Variants in NBEA observed in about 807,000 individuals in gnomAD.
NBEA encodes the protein neurobeachin.
NBEA carries 44 observed loss-of-function variants against 343.4 expected under a neutral mutation model. That is an observed-to-expected ratio of 0.13 (90% CI 0.10 to 0.16). The LOEUF (loss-of-function observed/expected upper bound fraction) is 0.16, where lower values mean the gene tolerates loss of function less well. NBEA is among the 10% of genes least tolerant of loss of function. The probability of loss-of-function intolerance (pLI) is 1.00; values close to 1 mark genes in which losing one functional copy is unlikely to be tolerated. For missense variants in NBEA, 2,555 were observed against 3,631.3 expected, an observed-to-expected ratio of 0.70 and a Z score of 7.62; for synonymous variants, 1,175 against 1,238.7, an observed-to-expected ratio of 0.95 and a Z score of 1.08.
intron 18 of NBEA, among the ~76,000 whole-genome samples, chr13:35,154,186 A>G (rs924253526): frequency 2.0e-5 from 3 of 152,170 alleles, no homozygotes; most frequent in Non-Finnish European, 4.4e-5. Flanking sequence ...AACATTCCTA[A>G]TATACTTATG....
At chr13:35,296,027 A>G (rs949036996) in intron 35 of NBEA, among the ~76,000 whole-genome samples, 2 of 152,164 alleles carry the variant, frequency 1.3e-5, no homozygotes, top group Non-Finnish European at 2.9e-5. Context: ...ACAACTTAGC[A>G]CATATCCACC....
intron 41 of NBEA, among the ~76,000 whole-genome samples, chr13:35,543,911 C>T (rs1254791331): frequency 2.0e-5 from 3 of 152,102 alleles, no homozygotes; most frequent in African/African-American, 7.2e-5. Flanking sequence ...GAAGTCAAGC[C>T]TCTCCCAGTT....
chr13:35,206,975 G>A (rs73167787), intron 31 of NBEA, among the ~76,000 whole-genome samples: 6,964 of 152,074 alleles, frequency 0.046, 202 homozygotes, highest in South Asian at 0.079. Flanking sequence ...ATAGATAGTT[G>A]AGAATTAAAG....
At chr13:35,259,140 A>G (rs961132416) in intron 34 of NBEA, among the ~76,000 whole-genome samples, 6 of 152,188 alleles carry the variant, frequency 3.9e-5, no homozygotes, top group African/African-American at 1.2e-4. Context: ...ATGGGAAGTT[A>G]GTTTTCTCCA....
chr13:35,616,326 AAT>A (rs2082738340), intron 48 of NBEA, among the ~76,000 whole-genome samples: 1 of 152,188 alleles, frequency 6.6e-6, no homozygotes, highest in Non-Finnish European at 1.5e-5. Flanking sequence ...TTTCTACTGC[AAT>A]ATATATTCCA....
intron 41 of NBEA, among the ~76,000 whole-genome samples, chr13:35,519,045 A>C (rs960281838): frequency 6.6e-6 from 1 of 152,210 alleles, no homozygotes; most frequent in Non-Finnish European, 1.5e-5. Context: ...CAACAGATTG[A>C]CTAATACAAT....
intron 41 of NBEA, among the ~76,000 whole-genome samples, chr13:35,530,461 G>A (rs2078206315): frequency 6.9e-6 from 1 of 145,296 alleles, no homozygotes; most frequent in Non-Finnish European, 1.5e-5. Context: ...TAAATAAAAA[G>A]TCTGTGCTTT....
chr13:35,114,556 T>A (rs1268872657), intron 13 of NBEA, among the ~76,000 whole-genome samples: 2 of 152,212 alleles, frequency 1.3e-5, no homozygotes, highest in East Asian at 3.9e-4. Flanking sequence ...ACTGTCTCCT[T>A]GGCCCTGACC....
intron 41 of NBEA, among the ~76,000 whole-genome samples, chr13:35,546,778 C>T (rs2079081386): frequency 6.6e-6 from 1 of 152,072 alleles, no homozygotes; most frequent in South Asian, 2.1e-4. Flanking sequence ...TGGTCTCGAA[C>T]TCCTGACCTT....
At chr13:35,120,041 C>A (rs1198645995) in intron 16 of NBEA, among the ~76,000 whole-genome samples, 1 of 152,122 alleles carries the variant, frequency 6.6e-6, no homozygotes, top group Non-Finnish European at 1.5e-5. Context: ...TAATTAGTGT[C>A]CTTGTCCTTA....
chr13:35,002,847 C>T (rs1593427535), intron 1 of NBEA, among the ~76,000 whole-genome samples: 1 of 152,016 alleles, frequency 6.6e-6, no homozygotes, highest in Non-Finnish European at 1.5e-5. Flanking sequence ...AAAAAGTTGC[C>T]GAGATGCTTG....
intron 39 of NBEA, 58 bp from the exon 40 acceptor site, chr13:35,452,034 C>A: frequency 2.5e-6 from 3 of 1,196,682 alleles, no homozygotes; most frequent in South Asian, 1.4e-5. Context: ...TTTATAATAC[C>A]TACTATAAGC....
intron 1 of NBEA, among the ~76,000 whole-genome samples, chr13:35,036,789 A>G (rs1218674928): frequency 6.6e-6 from 1 of 152,002 alleles, no homozygotes; most frequent in Non-Finnish European, 1.5e-5. Flanking sequence ...GCTCCTTTGT[A>G]TGTTCTTGTT....
chr13:35,421,045 C>T (rs1217910494), intron 38 of NBEA, among the ~76,000 whole-genome samples: 1 of 151,168 alleles, frequency 6.6e-6, no homozygotes, highest in African/African-American at 2.4e-5. Flanking sequence ...TTCTACTTGC[C>T]TTTTATGTGT....
intron 18 of NBEA, among the ~76,000 whole-genome samples, chr13:35,142,665 T>G (rs1200366765): frequency 1.3e-5 from 2 of 152,188 alleles, no homozygotes; most frequent in Non-Finnish European, 2.9e-5. Context: ...ACATCCGTTA[T>G]GTAGTATTAG....
At chr13:35,156,458 A>G (rs538807768) in intron 20 of NBEA, among the ~76,000 whole-genome samples, 30 of 152,234 alleles carry the variant, frequency 2.0e-4, no homozygotes, top group African/African-American at 7.0e-4. Context: ...ACTCTTATTT[A>G]GAATGTAATA....
intron 40 of NBEA, 43 bp downstream of exon 40, chr13:35,452,278 A>G (rs1187720202): frequency 6.9e-7 from 1 of 1,447,164 alleles, no homozygotes; most frequent in Admixed American, 2.1e-5. Context: ...GTAAATAAAC[A>G]CAAAGCTACT....
intron 38 of NBEA, among the ~76,000 whole-genome samples, chr13:35,412,749 A>G (rs2043667411): frequency 6.6e-6 from 1 of 152,120 alleles, no homozygotes; most frequent in Non-Finnish European, 1.5e-5. Flanking sequence ...CTGTCAATGT[A>G]GTATTCTTAA....
At chr13:35,552,198 A>G (rs1176939243) in intron 43 of NBEA, among the ~76,000 whole-genome samples, 1 of 152,220 alleles carries the variant, frequency 6.6e-6, no homozygotes, top group Non-Finnish European at 1.5e-5. Flanking sequence ...CCTCCCTTAA[A>G]TAGGCTACAG....
Sources: gnomAD v4.1 joint callset for allele counts (sites outside exome capture counted in the v4.1 genomes callset) on GRCh38, gnomAD v4.1.1 for gene constraint, MANE v1.5 for transcripts, NCBI Gene and HGNC (gene_info 2026-07-23, HGNC 2026-07-21) for gene names.